The following DENND5A variants were observed in gnomAD, a reference collection of about 807,000 sequenced individuals.
The protein encoded by DENND5A is DENN domain-containing protein 5A.
Under a neutral mutation model 140.3 loss-of-function variants are expected in DENND5A, and 64 were observed. That is an observed-to-expected ratio of 0.46 (90% CI 0.37 to 0.56). The LOEUF is 0.56. DENND5A is among the 20% of genes least tolerant of loss of function. DENND5A has a pLI of 0.00. For synonymous variants in DENND5A, 605 were observed against 607.7 expected (o/e 1.00, Z 0.07); for missense variants, 1,292 against 1,593.8 (o/e 0.81, Z 3.22).
chr11:9,194,155 A>G (rs1187232340), intron 4 of DENND5A, among the ~76,000 whole-genome samples: 1 of 152,226 alleles, frequency 6.6e-6, no homozygotes, highest in Non-Finnish European at 1.5e-5. Flanking sequence ...GTCAAGCACA[A>G]AGAACCACCA....
intron 12 of DENND5A, among the ~76,000 whole-genome samples, chr11:9,155,306 G>A (rs1382683057): frequency 6.6e-6 from 1 of 152,152 alleles, no homozygotes; most frequent in Non-Finnish European, 1.5e-5. Context: ...GGCAGACTAG[G>A]AAAGCAGCCT....
intron 1 of DENND5A, among the ~76,000 whole-genome samples, chr11:9,254,202 T>G (rs1167818659): frequency 6.7e-6 from 1 of 149,580 alleles, no homozygotes; most frequent in Non-Finnish European, 1.5e-5. Context: ...GGCACTTGCC[T>G]GTAGTCCCAA....
intron 11 of DENND5A, among the ~76,000 whole-genome samples, chr11:9,161,360 AT>A (rs1258539392): frequency 1.3e-5 from 2 of 150,248 alleles, no homozygotes; most frequent in Admixed American, 6.6e-5. Flanking sequence ...AAAAAAAAAA[AT>A]ATGTAGTTAA....
chr11:9,205,782 A>G (rs1031027397), intron 3 of DENND5A, among the ~76,000 whole-genome samples: 11 of 152,148 alleles, frequency 7.2e-5, no homozygotes, highest in African/African-American at 2.4e-4. Flanking sequence ...CAGTAGTCCC[A>G]GCTACTCGGG....
chr11:9,228,605 C>T (rs1427515828), intron 1 of DENND5A, among the ~76,000 whole-genome samples: 4 of 151,424 alleles, frequency 2.6e-5, no homozygotes, highest in African/African-American at 7.3e-5. Flanking sequence ...AAAAATTAGC[C>T]GGGTGTGGTG....
chr11:9,173,346 T>C (rs1013721546), intron 8 of DENND5A, among the ~76,000 whole-genome samples: 1 of 152,234 alleles, frequency 6.6e-6, no homozygotes, highest in Non-Finnish European at 1.5e-5. Flanking sequence ...AAATGCTAAC[T>C]ACACAGTTAA....
chr11:9,165,996 T>C (rs749291820), intron 10 of DENND5A, 29 bp from the exon 11 acceptor site: 29 of 1,613,434 alleles, frequency 1.8e-5, no homozygotes, highest in Non-Finnish European at 2.3e-5. Context: ...TAAAGACCCT[T>C]TGTGTCCATG....
At chr11:9,179,961 C>T (rs898726048) in intron 6 of DENND5A, among the ~76,000 whole-genome samples, 10 of 152,070 alleles carry the variant, frequency 6.6e-5, no homozygotes, top group African/African-American at 2.2e-4. Flanking sequence ...ATTACATTGG[C>T]CCATTGGTTT....
At position 9,214,708 on chromosome 11, in the gene DENND5A, C is replaced by T. The variant is rs550005458; in HGVS notation, c.110-7076G>A. On this transcript the variant is annotated intron_variant, in intron 1 of 22. Transcript: ENST00000328194. ...ACTGTCCACTGCCCCCCAACCCCCACCCACAAGACTTTTTTGTTTTGTTTT... is the reference window on the plus strand; with the variant it reads ...ACTGTCCACTGCCCCCCAACCCCCATCCACAAGACTTTTTTGTTTTGTTTT... Among the ~76,000 whole-genome samples, 33 of 152,182 alleles carry T rather than the reference C, an allele frequency of 2.2e-4. No homozygotes were observed. The South Asian group carries it at 6.2e-3, about 29-fold the overall frequency.
chr11:9,160,647 G>T, intron 12 of DENND5A, 66 bp downstream of exon 12: 1 of 1,477,252 alleles, frequency 6.8e-7, no homozygotes, highest in Non-Finnish European at 9.3e-7. Flanking sequence ...AAAAGAGTGT[G>T]GGAAAGCTAG....
rs141427063 is a variant in DENND5A, at chr11:9,141,728, G to A, written c.3680+212C>T. ...AGGACCATCATCCCATAAACAGTCC[G>A]TCACTGACAAATGTTGTTACGCAGC... On this transcript the variant is annotated intron_variant, in intron 22 of 22. Transcript: ENST00000328194. Among the ~76,000 whole-genome samples the A allele has an allele frequency of 1.8e-3, 271 of 152,284 alleles. 1 individual carries two copies. Among genetic ancestry groups the A allele is most frequent in the Middle Eastern group, 3.4e-3 (1 of 294 alleles).
At chr11:9,189,755 C>T (rs1310954882) in intron 5 of DENND5A, among the ~76,000 whole-genome samples, 1 of 152,174 alleles carries the variant, frequency 6.6e-6, no homozygotes, top group Non-Finnish European at 1.5e-5. Context: ...ATTCTCCTGC[C>T]TCAGCCTCTC....
intron 1 of DENND5A, among the ~76,000 whole-genome samples, chr11:9,250,617 T>C (rs1365145613): frequency 2.0e-5 from 3 of 152,158 alleles, no homozygotes; most frequent in Non-Finnish European, 4.4e-5. Context: ...ACTTGGTGGG[T>C]AACAATGGAC....
chr11:9,205,300 T>A (rs1849658423), intron 3 of DENND5A, among the ~76,000 whole-genome samples: 1 of 152,162 alleles, frequency 6.6e-6, no homozygotes, highest in Admixed American at 6.5e-5. Flanking sequence ...GTTCCCATTT[T>A]CCAGTTTTAC....
intron 4 of DENND5A, 117 bp downstream of exon 4, chr11:9,203,543 C>T: frequency 1.6e-6 from 2 of 1,213,112 alleles, no homozygotes; most frequent in Non-Finnish European, 2.3e-6. Flanking sequence ...TGCAAAAGAT[C>T]TGGGTTTTGC....
chr11:9,228,170 G>C (rs1456087956), intron 1 of DENND5A, among the ~76,000 whole-genome samples: 1 of 149,946 alleles, frequency 6.7e-6, no homozygotes, highest in Non-Finnish European at 1.5e-5. Context: ...CTGGCATGCA[G>C]CTCCTAAAAC....
At chr11:9,239,189 T>TTTTATTTA (rs559768814) in intron 1 of DENND5A, among the ~76,000 whole-genome samples, 1 of 151,922 alleles carries the variant, frequency 6.6e-6, no homozygotes, top group Non-Finnish European at 1.5e-5. Context: ...AAACTCAACA[T>TTTTATTTA]TTTATTTATT....
At chr11:9,194,356 G>A (rs1849244525) in intron 4 of DENND5A, among the ~76,000 whole-genome samples, 1 of 152,182 alleles carries the variant, frequency 6.6e-6, no homozygotes, top group African/African-American at 2.4e-5. Flanking sequence ...CTTGAGGTCA[G>A]GAGTTCGAGA....
intron 4 of DENND5A, among the ~76,000 whole-genome samples, chr11:9,198,187 AAC>A (rs564668946): frequency 7.2e-5 from 11 of 152,224 alleles, no homozygotes; most frequent in Non-Finnish European, 1.6e-4. Flanking sequence ...GTCACTAAAA[AAC>A]ACTGTAATTG....
Sources: gnomAD v4.1 joint callset for allele counts (sites outside exome capture counted in the v4.1 genomes callset) on GRCh38, gnomAD v4.1.1 for gene constraint, MANE v1.5 for transcripts, NCBI Gene and HGNC (gene_info 2026-07-23, HGNC 2026-07-21) for gene names.